PRRC2C: variants seen among roughly 807,000 people sequenced by gnomAD.
PRRC2C encodes proline rich coiled-coil 2C.
PRRC2C carries 72 observed loss-of-function variants against 317.2 expected under a neutral mutation model. The ratio of observed to expected loss-of-function variants is 0.23; its 90% CI spans 0.19 to 0.28. PRRC2C has a LOEUF of 0.28. Among genes scored for constraint, PRRC2C ranks in the 10% least tolerant of loss-of-function variants. PRRC2C has a pLI of 1.00. For missense variants in PRRC2C, 3,074 were observed against 3,459.7 expected (o/e 0.89, Z 2.80); for synonymous variants, 1,296 against 1,205.9 (o/e 1.07, Z -1.55).
chr1:171,519,918 A>G (rs1359159886), intron 6 of PRRC2C, among the ~76,000 whole-genome samples: 1 of 152,198 alleles, frequency 6.6e-6, no homozygotes, highest in Admixed American at 6.5e-5. Flanking sequence ...GAGCATATAC[A>G]TTACTATTTT....
intron 1 of PRRC2C, among the ~76,000 whole-genome samples, chr1:171,490,291 A>T (rs1296352103): frequency 6.6e-6 from 1 of 152,222 alleles, no homozygotes; most frequent in African/African-American, 2.4e-5. Context: ...ATGATTTTAC[A>T]TAATTTTCTG....
chr1:171,561,006 T>G lies in PRRC2C; in HGVS notation c.6032-12T>G, dbSNP rs115137224. Reference sequence around the variant, plus strand: ...AATCTTAATCATGTTTTTTATGGCTTCTTCTTTCCAGTAGGTCCCATTAGT... The same window carrying G: ...AATCTTAATCATGTTTTTTATGGCTGCTTCTTTCCAGTAGGTCCCATTAGT... On this transcript the variant is annotated splice_polypyrimidine_tract_variant and intron_variant, in intron 19 of 34. Coordinates refer to ENST00000647382, the MANE Select transcript of PRRC2C (RefSeq NM_001387844.1). 2,121 of 1,562,414 alleles carry G rather than the reference T, an allele frequency of 1.4e-3. 12 individuals carry two copies. The African/African-American group carries it at 0.017, about 12-fold the overall frequency.
chr1:171,575,048 C>G lies in PRRC2C; in HGVS notation c.6875C>G (p.Thr2292Ser). The change falls in exon 25 of 35, where the codon ACT (threonine) becomes AGT (serine). Residue 2292 changes from threonine to serine, a missense_variant. Coordinates refer to ENST00000647382, the MANE Select transcript of PRRC2C (RefSeq NM_001387844.1). ...GVSSSASGPS[T>S]ANYNSFSSAS... ...AGCAGTAGTGCCAGTGGACCAAGCA[C>G]TGCTAATTACAATTCGTTCTCAAGT... 1 of 1,613,912 alleles carries G rather than the reference C, an allele frequency of 6.2e-7. No individual in the cohort carries two copies. Among genetic ancestry groups the G allele is most frequent in the Non-Finnish European group, 8.5e-7 (1 of 1,179,866 alleles).
intron 28 of PRRC2C, among the ~76,000 whole-genome samples, chr1:171,580,699 G>C (rs185016870): frequency 2.4e-4 from 37 of 152,288 alleles, no homozygotes; most frequent in Non-Finnish European, 1.3e-4. Flanking sequence ...CAGACCCTCA[G>C]TGTCTCTGGT....
rs1007164780 is a variant in PRRC2C, at chr1:171,556,020, C to T, written c.5128-1220C>T. On this transcript the variant is annotated intron_variant, in intron 18 of 34. Coordinates refer to ENST00000647382, the MANE Select transcript of PRRC2C (RefSeq NM_001387844.1). ...GCCTTTTGTTCAGCTATGCCCTGCC[C>T]CCAGAGCATACAGAGTCTACAGAGT... Among the ~76,000 whole-genome samples, 9 of 152,158 alleles carry T rather than the reference C, an allele frequency of 5.9e-5. No individual in the cohort carries two copies. In the South Asian group the frequency reaches 1.9e-3, roughly 32 times the overall value.
chr1:171,568,153 C>A, intron 22 of PRRC2C, 94 bp from the exon 23 acceptor site: 2 of 1,431,998 alleles, frequency 1.4e-6, no homozygotes, highest in South Asian at 3.0e-5. Flanking sequence ...CCACTGCACT[C>A]CAGCCTGCAT....
intron 1 of PRRC2C, among the ~76,000 whole-genome samples, chr1:171,505,419 G>A (rs1670000889): frequency 6.6e-6 from 1 of 151,986 alleles, no homozygotes; most frequent in Non-Finnish European, 1.5e-5. Flanking sequence ...ATTGAATTTT[G>A]TGTATTGATC....
rs1382316970 is a variant in PRRC2C, at chr1:171,566,403, A to G, written c.6288A>G (p.Gly2096=). 1 of 1,579,016 alleles carries G rather than the reference A, an allele frequency of 6.3e-7. No homozygotes were observed. Among genetic ancestry groups the G allele is most frequent in the Admixed American group, 1.8e-5 (1 of 54,332 alleles). ...AGCGGCAGAAGCAGCCACGAGCAGGACCTATCAAAGCCCAGAAGGTAAATA... is the reference window on the plus strand; with the variant it reads ...AGCGGCAGAAGCAGCCACGAGCAGGGCCTATCAAAGCCCAGAAGGTAAATA... The part of the protein sequence containing the change: ...KEQRQKQPRA[G]PIKAQKLPDL... The change falls in exon 21 of 35, where the codon GGA becomes GGG. Residue 2096 remains glycine (G), a synonymous_variant. Coordinates refer to ENST00000647382, the MANE Select transcript of PRRC2C (RefSeq NM_001387844.1).
At chr1:171,554,045 C>G (rs1456263542) in intron 18 of PRRC2C, among the ~76,000 whole-genome samples, 1 of 152,148 alleles carries the variant, frequency 6.6e-6, no homozygotes, top group African/African-American at 2.4e-5. Context: ...TCTCATTGAT[C>G]TGTCTAATAT....
At chr1:171,539,208 T>C (rs1677457025) in intron 15 of PRRC2C, among the ~76,000 whole-genome samples, 1 of 151,846 alleles carries the variant, frequency 6.6e-6, no homozygotes, top group African/African-American at 2.4e-5. Context: ...TCCATGTTGG[T>C]CAGGCTGGTC....
At chr1:171,519,363 A>C (rs1673119481) in intron 6 of PRRC2C, among the ~76,000 whole-genome samples, 1 of 152,182 alleles carries the variant, frequency 6.6e-6, no homozygotes. Flanking sequence ...GTTGTCTCAT[A>C]ATTAGGATCC....
intron 34 of PRRC2C, 198 bp from the exon 35 acceptor site, chr1:171,591,389 T>TTAAAA: frequency 3.4e-6 from 2 of 594,944 alleles, no homozygotes; most frequent in Non-Finnish European, 4.9e-6. Flanking sequence ...TTTTTTTTTT[T>TTAAAA]AAATCACATG....
At chr1:171,494,312 A>G (rs764679805) in intron 1 of PRRC2C, among the ~76,000 whole-genome samples, 8 of 152,182 alleles carry the variant, frequency 5.3e-5, no homozygotes, top group African/African-American at 1.2e-4. Flanking sequence ...GAGCCCTTCC[A>G]CTATCCTGAT....
intron 16 of PRRC2C, among the ~76,000 whole-genome samples, chr1:171,544,077 A>C (rs1444828304): frequency 6.6e-6 from 1 of 152,004 alleles, no homozygotes; most frequent in African/African-American, 2.4e-5. Context: ...CCACTGCTGC[A>C]TTGCCATTAG....
intron 11 of PRRC2C, among the ~76,000 whole-genome samples, chr1:171,529,605 A>G (rs1357748524): frequency 2.6e-5 from 4 of 151,996 alleles, no homozygotes; most frequent in African/African-American, 9.7e-5. Context: ...CACCTTTTAT[A>G]TTTCCTTTGA....
At position 171,514,571 on chromosome 1, in the gene PRRC2C, G is replaced by A; in HGVS notation, c.326G>A (p.Gly109Glu). The change falls in exon 4 of 35, where the codon GGG (glycine) becomes GAG (glutamate). Residue 109 changes from glycine (G) to glutamate (E), a missense_variant. Transcript: ENST00000647382. Reference protein sequence around the residue: ...PEVPPAQPKPGVAAPPEVAPA... With the variant: ...PEVPPAQPKPEVAAPPEVAPA... ...GTGCCACCAGCACAGCCAAAACCTG[G>A]GGTTGCAGCTCCCCCAGAAGTAGCA... The A allele has an allele frequency of 6.4e-7, 1 of 1,559,704 alleles. No homozygotes were observed. The highest frequency in any genetic ancestry group is 1.2e-5 in the South Asian group (1 of 84,402).
In PRRC2C at chr1:171,515,616, A is replaced by G; in HGVS notation, c.401-118A>G. 3 of 861,292 alleles carry G rather than the reference A, an allele frequency of 3.5e-6. No individual in the cohort carries two copies. In the East Asian group the frequency reaches 8.2e-5, roughly 24 times the overall value. 53.4% of individuals were successfully genotyped at this position (861,292 alleles called of 1,614,324 possible). A position where few individuals can be genotyped will look rare whatever the true frequency, so the allele number is the denominator to read the frequency against. ...TAAAGTGATATGGCTATGAACAGTC[A>G]TCACTGAAATGTGGAATAATTTAAG... On this transcript the variant is annotated intron_variant, in intron 4 of 34. Coordinates refer to ENST00000647382, the MANE Select transcript of PRRC2C (RefSeq NM_001387844.1).
chr1:171,560,152 C>A (rs937134468), intron 19 of PRRC2C, among the ~76,000 whole-genome samples: 1 of 152,174 alleles, frequency 6.6e-6, no homozygotes, highest in Non-Finnish European at 1.5e-5. Context: ...ATTCTAGACT[C>A]CTTTAAGAAC....
chr1:171,573,649 A>G (rs935144365), intron 24 of PRRC2C, among the ~76,000 whole-genome samples: 2 of 151,272 alleles, frequency 1.3e-5, no homozygotes, highest in African/African-American at 4.9e-5. Context: ...AGGCAGGGTA[A>G]AATATGTACT....
Sources: allele counts gnomAD v4.1 joint callset (sites outside exome capture counted in the v4.1 genomes callset), GRCh38; gene constraint gnomAD v4.1.1; transcripts MANE v1.5; gene names NCBI Gene and HGNC (gene_info 2026-07-23, HGNC 2026-07-21).